The following ADCY9 variants were observed in gnomAD, a reference collection of about 807,000 sequenced individuals.
ADCY9 encodes the protein adenylate cyclase 9, also known as adenylate cyclase type 9.
A neutral mutation model predicts 101.5 loss-of-function variants in ADCY9; 50 were observed. The ratio of observed to expected loss-of-function variants is 0.49; its 90% CI spans 0.39 to 0.62. The LOEUF is 0.62. Ranked by LOEUF, ADCY9 falls within the 20% of genes least tolerant of loss-of-function variation. The pLI, the probability that ADCY9 is intolerant of heterozygous loss-of-function variation, is 0.00. For missense variants in ADCY9, 1,662 were observed against 1,800.4 expected (o/e 0.92, Z 1.39); for synonymous variants, 905 against 769.3 (o/e 1.18, Z -2.92).
At chr16:4,105,914 G>C (rs1337445753) in intron 2 of ADCY9, among the ~76,000 whole-genome samples, 2 of 152,106 alleles carry the variant, frequency 1.3e-5, no homozygotes, top group African/African-American at 4.8e-5. Flanking sequence ...ATATAAGCTA[G>C]GTGCAGCTAT....
chr16:3,977,660 C>T (rs185673232), intron 8 of ADCY9, 30 bp from the exon 9 acceptor site: 18 of 1,591,904 alleles, frequency 1.1e-5, no homozygotes, highest in Non-Finnish European at 1.5e-5. Context: ...AGGACAGCCG[C>T]CCAGGGCCAC....
At chr16:4,090,108 C>G (rs142458545) in intron 2 of ADCY9, among the ~76,000 whole-genome samples, 8 of 152,098 alleles carry the variant, frequency 5.3e-5, no homozygotes, top group African/African-American at 1.7e-4. Context: ...TTCAGGTGAA[C>G]TCATACAAAT....
At chr16:4,078,691 G>T (rs142899718) in intron 2 of ADCY9, among the ~76,000 whole-genome samples, 3 of 152,094 alleles carry the variant, frequency 2.0e-5, no homozygotes, top group African/African-American at 7.2e-5. Flanking sequence ...AACAATGATT[G>T]ATAGATAAGA....
chr16:3,981,144 A>G (rs1037460629), intron 7 of ADCY9, among the ~76,000 whole-genome samples: 1 of 152,200 alleles, frequency 6.6e-6, no homozygotes, highest in African/African-American at 2.4e-5. Flanking sequence ...AAATGGAACC[A>G]AATCCCACCA....
intron 2 of ADCY9, among the ~76,000 whole-genome samples, chr16:4,017,056 T>C (rs1363792191): frequency 6.6e-6 from 1 of 151,966 alleles, no homozygotes; most frequent in Non-Finnish European, 1.5e-5. Flanking sequence ...CTCAGCTACT[T>C]GGGAGGCTGA....
At chr16:4,089,135 G>GCTGGAGTGCAGTGGC (rs200762805) in intron 2 of ADCY9, among the ~76,000 whole-genome samples, 1 of 151,080 alleles carries the variant, frequency 6.6e-6, no homozygotes, top group African/African-American at 2.4e-5. Context: ...CTGTCACCCA[G>GCTGGAGTGCAGTGGC]GCAATCTCAG....
At chr16:4,007,273 G>T in intron 3 of ADCY9, 95 bp downstream of exon 3, 1 of 1,085,648 alleles carries the variant, frequency 9.2e-7, no homozygotes, top group Non-Finnish European at 1.3e-6. Flanking sequence ...CAAGTTGTTT[G>T]CCTCAGACCT....
In ADCY9 at chr16:3,992,508, C is replaced by G. The variant is rs1245390711; in HGVS notation, c.1990-145G>C. 3 of 717,526 alleles carry G rather than the reference C, an allele frequency of 4.2e-6. No homozygotes were observed. Among genetic ancestry groups the G allele is most frequent in the Non-Finnish European group, 6.8e-6 (3 of 438,608 alleles). The allele number at this position is 717,526 out of a possible 1,614,324, so 44.4% of individuals were successfully genotyped here. On this transcript the variant is annotated intron_variant, in intron 4 of 10. Transcript: ENST00000294016. This position sits in a 1 kb window ranked among gnomAD's most constrained non-coding sequence, Gnocchi z 4.2. ...TCTGACCTGCGAGGAACCCCCACCC[C>G]CCTGCGCCTACAGACCTGCTCCAAT...
intron 2 of ADCY9, among the ~76,000 whole-genome samples, chr16:4,093,092 C>A (rs1418243638): frequency 2.0e-5 from 3 of 152,144 alleles, no homozygotes; most frequent in Non-Finnish European, 4.4e-5. Context: ...TTATTTGGCA[C>A]AGTCCATTTT....
intron 2 of ADCY9, among the ~76,000 whole-genome samples, chr16:4,020,905 A>C (rs2056472039): frequency 6.6e-6 from 1 of 152,154 alleles, no homozygotes. Flanking sequence ...ATAAAGAAAC[A>C]AAAGAGCTGG....
intron 5 of ADCY9, among the ~76,000 whole-genome samples, chr16:3,956,154 C>T (rs2055905223): frequency 6.6e-6 from 1 of 152,132 alleles, no homozygotes; most frequent in Admixed American, 6.5e-5. Flanking sequence ...CCCGTCTCAA[C>T]CCCACAAAGT....
intron 5 of ADCY9, among the ~76,000 whole-genome samples, chr16:3,954,746 G>A (rs1299245073): frequency 6.6e-6 from 1 of 152,162 alleles, no homozygotes; most frequent in Non-Finnish European, 1.5e-5. Context: ...GTCCACACAG[G>A]GGAGCTCTTG....
At chr16:4,058,754 C>T (rs145973950) in intron 2 of ADCY9, among the ~76,000 whole-genome samples, 1 of 152,070 alleles carries the variant, frequency 6.6e-6, no homozygotes, top group South Asian at 2.1e-4. Context: ...ACTGAGTCCA[C>T]CGAGGAGCTA....
chr16:3,986,515 C>A (rs543410254), intron 6 of ADCY9, among the ~76,000 whole-genome samples: 1 of 152,132 alleles, frequency 6.6e-6, no homozygotes, highest in African/African-American at 2.4e-5. Flanking sequence ...AATAGTGCAA[C>A]GGCATGGTCT....
At chr16:3,961,169 T>C (rs985838649), downstream of ADCY9, among the ~76,000 whole-genome samples, 3 of 152,156 alleles carry the variant, frequency 2.0e-5, no homozygotes, top group Non-Finnish European at 4.4e-5. Flanking sequence ...ACGTTCTGGC[T>C]GGGCGCGGTG....
intron 5 of ADCY9, among the ~76,000 whole-genome samples, chr16:3,955,150 A>C (rs545648505): frequency 6.6e-6 from 1 of 152,254 alleles, no homozygotes; most frequent in South Asian, 2.1e-4. Context: ...ATTTTGTCTC[A>C]TTTGAAATAT....
intron 6 of ADCY9, among the ~76,000 whole-genome samples, chr16:3,988,437 C>T (rs975560733): frequency 4.9e-4 from 54 of 109,842 alleles, no homozygotes; most frequent in Non-Finnish European, 9.5e-4. Flanking sequence ...GAGTTCCCTT[C>T]CAGGGCAGGT....
chr16:3,958,811 C>T (rs928726237), downstream of ADCY9, among the ~76,000 whole-genome samples: 109 of 150,728 alleles, frequency 7.2e-4, 1 homozygote, highest in Non-Finnish European at 8.4e-4. Flanking sequence ...GCTGAGACCA[C>T]AGGCACCCAC....
At chr16:4,109,221 A>G (rs2057098537) in intron 2 of ADCY9, among the ~76,000 whole-genome samples, 1 of 151,428 alleles carries the variant, frequency 6.6e-6, no homozygotes, top group Admixed American at 6.6e-5. Flanking sequence ...GATCTCCCCT[A>G]TTTGAAGGCC....
Sources: gnomAD v4.1 joint callset for allele counts (sites outside exome capture counted in the v4.1 genomes callset) on GRCh38, gnomAD v4.1.1 for gene constraint, Gnocchi (gnomAD v3.1) non-coding constraint, MANE v1.5 for transcripts, NCBI Gene and HGNC (gene_info 2026-07-23, HGNC 2026-07-21) for gene names.